CSMD2: variants seen among roughly 807,000 people sequenced by gnomAD.
CSMD2 encodes the protein CUB and sushi domain-containing protein 2.
In CSMD2, 130 loss-of-function variants were observed where a neutral mutation model predicts 398.5. That is an observed-to-expected ratio of 0.33 (90% CI 0.28 to 0.38). CSMD2 has a LOEUF of 0.38. Among genes scored for constraint, CSMD2 ranks in the 10% least tolerant of loss-of-function variants. The pLI is 1.00. For synonymous variants in CSMD2, 1,828 were observed against 1,908.5 expected (o/e 0.96, Z 1.10); for missense variants, 3,829 against 4,764.9 (o/e 0.80, Z 5.78).
chr1:34,016,923 G>GT (rs761390628), intron 3 of CSMD2, among the ~76,000 whole-genome samples: 195 of 151,890 alleles, frequency 1.3e-3, no homozygotes, highest in Non-Finnish European at 1.9e-3. Flanking sequence ...GTATTTCACA[G>GT]TTTTTTTTCA....
At chr1:34,052,457 T>TG (rs11344432) in intron 2 of CSMD2, among the ~76,000 whole-genome samples, 2,813 of 128,316 alleles carry the variant, frequency 0.022, 38 homozygotes, top group South Asian at 0.046. Flanking sequence ...TTTATATCCA[T>TG]GGGGGGGGGG....
At chr1:33,840,960 C>G (rs1225915225) in intron 6 of CSMD2, among the ~76,000 whole-genome samples, 1 of 152,232 alleles carries the variant, frequency 6.6e-6, no homozygotes, top group Non-Finnish European at 1.5e-5. Context: ...AAGAACCCAA[C>G]ATGTTCAATG....
Position 33,523,438 on chromosome 1 carries a change from G to A in CSMD2, c.10397-19C>T. 8.8e-7 allele frequency: 1 copy of A among 1,136,684 alleles called. No individual in the cohort carries two copies. The allele number at this position is 1,136,684 out of a possible 1,614,324, so 70.4% of individuals were successfully genotyped here. A position where few individuals can be genotyped will look rare whatever the true frequency, so the allele number is the denominator to read the frequency against. ...TAAGTTCCTGGGAAATAAAGTTCAG[G>A]TGTTACACATGAAAGATATGGGAAA... On this transcript the variant is annotated intron_variant, in intron 66 of 70. Transcript: ENST00000373381.
intron 42 of CSMD2, 26 bp downstream of exon 42, chr1:33,605,256 C>T (rs759932913): frequency 6.2e-7 from 1 of 1,605,148 alleles, no homozygotes; most frequent in East Asian, 2.2e-5. Context: ...CCAGGAAGAA[C>T]TGCTGGGGAT....
Position 33,550,358 on chromosome 1 carries a change from G to T in CSMD2, c.8744-8C>A, listed in dbSNP as rs76835180. The T allele has an allele frequency of 6.2e-7, 1 of 1,611,554 alleles. No individual in the cohort carries two copies. The highest frequency in any genetic ancestry group is 1.3e-5 in the African/African-American group (1 of 75,012). On this transcript the variant is annotated splice_polypyrimidine_tract_variant and splice_region_variant and intron_variant, in intron 55 of 70. Transcript: ENST00000373381. ...GATGGCCACAGGACACCACTGTGGG[G>T]GAAAAGCAAACATCTCAATGACTCT...
At chr1:33,956,980 C>G (rs1036806447) in intron 3 of CSMD2, among the ~76,000 whole-genome samples, 7 of 152,046 alleles carry the variant, frequency 4.6e-5, no homozygotes, top group Non-Finnish European at 7.4e-5. Flanking sequence ...CATGCTCCAG[C>G]CACTGTGGCC....
chr1:34,007,201 C>CA (rs1466066697), intron 3 of CSMD2, among the ~76,000 whole-genome samples: 2 of 152,156 alleles, frequency 1.3e-5, no homozygotes, highest in Non-Finnish European at 2.9e-5. Context: ...CCCTGAGCAT[C>CA]ACGCCTGACC....
chr1:33,814,420 T>C (rs1657221671), intron 9 of CSMD2, among the ~76,000 whole-genome samples: 1 of 152,102 alleles, frequency 6.6e-6, no homozygotes, highest in South Asian at 2.1e-4. Context: ...TCTCTCATTC[T>C]GCTCAAAGAC....
At chr1:33,825,660 A>C (rs370911373) in intron 7 of CSMD2, 37 bp downstream of exon 7, 2 of 1,596,836 alleles carry the variant, frequency 1.3e-6, no homozygotes, top group South Asian at 2.2e-5. Context: ...ACCTCAAGCA[A>C]GAGGCCCGGC....
rs182734013 is a variant in CSMD2, at chr1:33,524,671, G to A, written c.10396+211C>T. On this transcript the variant is annotated intron_variant, in intron 66 of 70. Transcript: ENST00000373381. ...CTCTTTGTTCATAAGAGTTCTTTAT[G>A]TATTCAGGTTATTAATATTTGCCAT... Among the ~76,000 whole-genome samples, 245 of 152,220 alleles carry A rather than the reference G, an allele frequency of 1.6e-3. 1 individual carries two copies. The highest frequency in any genetic ancestry group is 5.4e-3 in the African/African-American group (226 of 41,524).
chr1:34,142,713 G>A (rs530401528), intron 1 of CSMD2, among the ~76,000 whole-genome samples: 1 of 152,276 alleles, frequency 6.6e-6, no homozygotes, highest in Non-Finnish European at 1.5e-5. Context: ...GACTTTTTGT[G>A]ACATTACTTA....
At chr1:33,545,952 C>T (rs999871720) in intron 57 of CSMD2, 85 bp downstream of exon 57, 44 of 1,348,796 alleles carry the variant, frequency 3.3e-5, no homozygotes, top group Non-Finnish European at 4.1e-5. Flanking sequence ...TTTCTGTGAG[C>T]GCAGGTGCCT....
intron 19 of CSMD2, among the ~76,000 whole-genome samples, chr1:33,717,234 G>T (rs1646203548): frequency 6.6e-6 from 1 of 152,126 alleles, no homozygotes; most frequent in Non-Finnish European, 1.5e-5. Flanking sequence ...GAGGCAATGA[G>T]AAGCCATCCT....
chr1:33,924,527 T>C (rs376837730), intron 4 of CSMD2, among the ~76,000 whole-genome samples: 5 of 152,366 alleles, frequency 3.3e-5, no homozygotes, highest in South Asian at 2.1e-4. Flanking sequence ...CTTTGATACA[T>C]TGATTTCCTT....
chr1:33,548,089 C>T (rs1657080332), intron 56 of CSMD2, among the ~76,000 whole-genome samples: 1 of 152,176 alleles, frequency 6.6e-6, no homozygotes, highest in Admixed American at 6.5e-5. Flanking sequence ...TGCCTGCTTC[C>T]CCTTCTGCCA....
At chr1:33,919,872 G>A (rs1643881029) in intron 4 of CSMD2, among the ~76,000 whole-genome samples, 1 of 152,236 alleles carries the variant, frequency 6.6e-6, no homozygotes. Flanking sequence ...CACCTACTAT[G>A]TGTCAGCCAC....
chr1:33,668,212 A>G (rs925740772), intron 25 of CSMD2, among the ~76,000 whole-genome samples: 1 of 152,176 alleles, frequency 6.6e-6, no homozygotes, highest in Non-Finnish European at 1.5e-5. Flanking sequence ...AGGCAGGGGC[A>G]GGGCTGGCGG....
intron 28 of CSMD2, 80 bp from the exon 29 acceptor site, chr1:33,646,915 C>T (rs1643465588): frequency 3.6e-6 from 5 of 1,397,348 alleles, no homozygotes; most frequent in Non-Finnish European, 4.8e-6. Flanking sequence ...TCAACCAAAG[C>T]ATAGGGCCTC....
rs758754654 is a variant in CSMD2 at position 33,602,482 on chromosome 1, C to A, written c.6597G>T (p.Pro2199=). The A allele has an allele frequency of 3.7e-6, 6 of 1,613,308 alleles. No homozygotes were observed. In the Middle Eastern group the frequency reaches 4.9e-4, roughly 133 times the overall value. The change falls in exon 43 of 71, where the codon CCG becomes CCT. Residue 2199 remains proline (P), a synonymous_variant. Transcript: ENST00000373381. ...GTVYSPGFPS[P]YSSSQDCVWL... is the part of the protein sequence containing the mutation. ...AGACACAGTCCTGGGAGCTGGAGTA[C>A]GGGCTAGGGAACCCCGGGGAGTACA... is the stretch of plus-strand genomic sequence containing the variant.
Sources: allele counts gnomAD v4.1 joint callset (sites outside exome capture counted in the v4.1 genomes callset), GRCh38; gene constraint gnomAD v4.1.1; transcripts MANE v1.5; gene names NCBI Gene and HGNC (gene_info 2026-07-23, HGNC 2026-07-21).